GPHN: variants seen among roughly 807,000 people sequenced by gnomAD.
GPHN encodes gephyrin.
In GPHN, 17 loss-of-function variants were observed where a neutral mutation model predicts 95.5. The observed-to-expected ratio is 0.18, with a 90% CI of 0.12 to 0.27. The LOEUF (loss-of-function observed/expected upper bound fraction) is 0.27. Among genes scored for constraint, GPHN ranks in the 10% least tolerant of loss-of-function variants. The pLI is 1.00. For missense variants in GPHN, 660 were observed against 978.1 expected, an observed-to-expected ratio of 0.67 and a Z score of 4.34; for synonymous variants, 320 against 322.5, an observed-to-expected ratio of 0.99 and a Z score of 0.08.
chr14:67,323,321 T>C, the GPHN span, among the ~76,000 whole-genome samples: 2 of 151,188 alleles, frequency 1.3e-5, no homozygotes, highest in Admixed American at 6.6e-5. Flanking sequence ...CTTAAAAATA[T>C]TGTGAATTGG....
chr14:67,363,486 A>C, the GPHN span, among the ~76,000 whole-genome samples: 3 of 152,032 alleles, frequency 2.0e-5, no homozygotes. Context: ...TCTAATTATA[A>C]TATATTTATG....
intron 4 of GPHN, among the ~76,000 whole-genome samples, chr14:66,845,562 G>A (rs1029855542): frequency 2.0e-5 from 3 of 152,094 alleles, no homozygotes; most frequent in Non-Finnish European, 2.9e-5. Flanking sequence ...AATAATGTGG[G>A]CTTTTATAGA....
chr14:67,674,804 G>A, the GPHN span: 4 of 247,798 alleles, frequency 1.6e-5, no homozygotes, highest in Admixed American at 5.6e-5. Flanking sequence ...TGCCGGGTCC[G>A]GGTTGGGGAA....
intron 1 of GPHN, among the ~76,000 whole-genome samples, chr14:66,535,247 C>G (rs755613364): frequency 1.3e-5 from 2 of 151,918 alleles, no homozygotes; most frequent in Non-Finnish European, 2.9e-5. Flanking sequence ...AAAAATTGCC[C>G]TTAAACCATT....
At chr14:67,731,615 AT>A in the GPHN span, among the ~76,000 whole-genome samples, 7 of 151,914 alleles carry the variant, frequency 4.6e-5, no homozygotes, top group African/African-American at 1.7e-4. Flanking sequence ...TAAATATCAT[AT>A]TTTAATATAA....
At chr14:66,742,062 C>T (rs148599595) in intron 2 of GPHN, among the ~76,000 whole-genome samples, 2 of 152,306 alleles carry the variant, frequency 1.3e-5, no homozygotes, top group Non-Finnish European at 2.9e-5. Context: ...TTATTGAACG[C>T]TCTTCCTTGA....
chr14:67,046,780 G>A (rs1410140715), intron 10 of GPHN, among the ~76,000 whole-genome samples: 1 of 152,176 alleles, frequency 6.6e-6, no homozygotes, highest in Non-Finnish European at 1.5e-5. Flanking sequence ...ATTTTCAGAT[G>A]TACAAAGTGC....
intron 3 of GPHN, among the ~76,000 whole-genome samples, chr14:66,817,188 T>G (rs961947775): frequency 6.6e-6 from 1 of 152,238 alleles, no homozygotes; most frequent in Middle Eastern, 3.4e-3. Context: ...CAAGCACATT[T>G]GTCATGGTTT....
At chr14:66,851,957 C>G (rs1364270797) in intron 4 of GPHN, among the ~76,000 whole-genome samples, 1 of 152,092 alleles carries the variant, frequency 6.6e-6, no homozygotes, top group Non-Finnish European at 1.5e-5. Context: ...ATATGATTTT[C>G]TCTGGATAGA....
At chr14:66,730,324 C>G (rs1463748022) in intron 2 of GPHN, among the ~76,000 whole-genome samples, 1 of 152,174 alleles carries the variant, frequency 6.6e-6, no homozygotes, top group Non-Finnish European at 1.5e-5. Context: ...TCAGGCTCAC[C>G]TATTTGTTTC....
intron 1 of GPHN, among the ~76,000 whole-genome samples, chr14:66,565,286 C>G (rs532979929): frequency 1.8e-4 from 27 of 151,872 alleles, no homozygotes; most frequent in African/African-American, 6.5e-4. Flanking sequence ...CAGAATTGTC[C>G]CCTATCTGTG....
intron 1 of GPHN, among the ~76,000 whole-genome samples, chr14:66,511,992 GGTGT>G (rs2058057785): frequency 6.6e-6 from 1 of 151,880 alleles, no homozygotes; most frequent in African/African-American, 2.4e-5. Context: ...AAAGTCACAT[GGTGT>G]TTGGTGACCT....
chr14:66,531,836 T>C (rs1043521805), intron 1 of GPHN, among the ~76,000 whole-genome samples: 1 of 152,232 alleles, frequency 6.6e-6, no homozygotes, highest in African/African-American at 2.4e-5. Context: ...TGCCAAGTAC[T>C]GTATGACAGG....
chr14:67,165,275 A>C, intron 20 of GPHN, 49 bp downstream of exon 20: 4 of 1,326,174 alleles, frequency 3.0e-6, no homozygotes, highest in Non-Finnish European at 4.4e-6. Context: ...AAATAGCCAA[A>C]ATTTTTTGGA....
At chr14:67,073,568 T>G (rs1440710834) in intron 11 of GPHN, among the ~76,000 whole-genome samples, 1 of 152,166 alleles carries the variant, frequency 6.6e-6, no homozygotes, top group Non-Finnish European at 1.5e-5. Flanking sequence ...AATGAATATA[T>G]GTAACACAGA....
chr14:66,880,642 A>G (rs1319008355), intron 5 of GPHN, among the ~76,000 whole-genome samples: 2 of 152,004 alleles, frequency 1.3e-5, no homozygotes, highest in Non-Finnish European at 2.9e-5. Flanking sequence ...TGTTGTGAAA[A>G]AAAAGAAGCT....
the GPHN span, chr14:67,576,400 G>A: frequency 5.0e-6 from 8 of 1,593,848 alleles, no homozygotes; most frequent in East Asian, 2.2e-5. This position sits in a 1 kb window ranked among gnomAD's most constrained non-coding sequence, Gnocchi z 4.0. Context: ...TCCAGGATAC[G>A]TGGCTCTACC....
At chr14:67,440,707 G>A in the GPHN span, among the ~76,000 whole-genome samples, 1 of 151,846 alleles carries the variant, frequency 6.6e-6, no homozygotes, top group East Asian at 1.9e-4. Flanking sequence ...AGCTGAGATC[G>A]TGCCACTGCC....
At chr14:67,600,332 C>T in the GPHN span, 5 of 763,648 alleles carry the variant, frequency 6.5e-6, no homozygotes, top group Admixed American at 7.1e-5. Flanking sequence ...TGCGCAGCCT[C>T]AGTTGCGCGC....
Sources: gnomAD v4.1 joint callset for allele counts (sites outside exome capture counted in the v4.1 genomes callset) on GRCh38, gnomAD v4.1.1 for gene constraint, Gnocchi (gnomAD v3.1) non-coding constraint, MANE v1.5 for transcripts, NCBI Gene and HGNC (gene_info 2026-07-23, HGNC 2026-07-21) for gene names.